The following COA1 variants were observed in gnomAD, a reference collection of about 807,000 sequenced individuals.
The protein encoded by COA1 is cytochrome c oxidase assembly factor 1 homolog.
In COA1, 13 loss-of-function variants were observed where a neutral mutation model predicts 16.0. That is an observed-to-expected ratio of 0.81 (90% CI 0.53 to 1.29). The LOEUF (loss-of-function observed/expected upper bound fraction) is 1.29, where lower values mean the gene tolerates loss of function less well. Among genes scored for constraint, COA1 ranks in the 50% most tolerant of loss-of-function variants. The pLI is 0.00. For missense variants in COA1, 179 were observed against 177.0 expected (o/e 1.01, Z -0.06); for synonymous variants, 65 against 65.7 (o/e 0.99, Z 0.05).
At chr7:43,630,723 C>T (rs867742843) in intron 6 of COA1, among the ~76,000 whole-genome samples, 9 of 152,168 alleles carry the variant, frequency 5.9e-5, no homozygotes, top group East Asian at 1.9e-4. Context: ...TACATCTTTA[C>T]GTAACTACAG....
chr7:43,723,624 A>G (rs1238858406), intron 1 of COA1, among the ~76,000 whole-genome samples: 2 of 151,998 alleles, frequency 1.3e-5, no homozygotes, highest in African/African-American at 4.8e-5. Flanking sequence ...AAAAACACAG[A>G]AAGCATTAAG....
intron 1 of COA1, chr7:43,649,873 C>T (rs971961762): frequency 5.8e-5 from 7 of 121,528 alleles, no homozygotes; most frequent in Non-Finnish European, 1.0e-4. Flanking sequence ...TGCAACCAGA[C>T]ATATGCACCA....
intron 3 of COA1, 61 bp from the exon 4 acceptor site, chr7:43,645,460 C>A: frequency 6.8e-7 from 1 of 1,475,016 alleles, no homozygotes; most frequent in Non-Finnish European, 9.5e-7. Flanking sequence ...ATCTACTACA[C>A]AGAAAATTAA....
intron 6 of COA1, among the ~76,000 whole-genome samples, chr7:43,629,698 A>C (rs1004665178): frequency 1.3e-5 from 2 of 152,216 alleles, no homozygotes; most frequent in East Asian, 1.9e-4. Context: ...TTATAGTAAC[A>C]AAATTGGATG....
chr7:43,661,538 G>A (rs1563293083), intron 1 of COA1, among the ~76,000 whole-genome samples: 1 of 152,136 alleles, frequency 6.6e-6, no homozygotes, highest in Non-Finnish European at 1.5e-5. Context: ...GGGAGGCTGA[G>A]GCAGGAGAAT....
At chr7:43,625,763 GA>G (rs2084452467) in intron 6 of COA1, 3 of 151,924 alleles carry the variant, frequency 2.0e-5, no homozygotes, top group African/African-American at 7.3e-5. Flanking sequence ...CAGAGAGAGA[GA>G]GAGAGAGAGA....
chr7:43,708,182 C>T (rs1165465373), intron 1 of COA1, among the ~76,000 whole-genome samples: 1 of 152,128 alleles, frequency 6.6e-6, no homozygotes, highest in Non-Finnish European at 1.5e-5. Context: ...TCAGCCTGGG[C>T]AACAGAGCAA....
At chr7:43,676,200 A>T (rs2093510059) in intron 1 of COA1, among the ~76,000 whole-genome samples, 1 of 152,162 alleles carries the variant, frequency 6.6e-6, no homozygotes, top group South Asian at 2.1e-4. Flanking sequence ...CCCTCCATCA[A>T]CCTAATTAAA....
chr7:43,635,597 C>T (rs1312892911), downstream of COA1, among the ~76,000 whole-genome samples: 1 of 152,194 alleles, frequency 6.6e-6, no homozygotes, highest in Non-Finnish European at 1.5e-5. Flanking sequence ...CACAGTCACA[C>T]CTAAGTTCAA....
intron 6 of COA1, among the ~76,000 whole-genome samples, chr7:43,621,963 GA>G (rs1463075293): frequency 6.6e-6 from 1 of 152,102 alleles, no homozygotes; most frequent in African/African-American, 2.4e-5. Flanking sequence ...CCATCTATGT[GA>G]CCTTGGCCCT....
Position 43,619,551 on chromosome 7 carries a change from T to G in COA1, c.*134-10056A>C, listed in dbSNP as rs1563162860. ...TTTATGGGCTGCATGTTTTGTGTAC[T>G]TAATCATAGTTATATTGATTTTTGC... is the stretch of plus-strand genomic sequence containing the variant. On this transcript the variant is annotated intron_variant and NMD_transcript_variant, in intron 6 of 6. Transcript: ENST00000415076. The G allele has an allele frequency of 1.9e-6, 3 of 1,595,224 alleles. No individual in the cohort carries two copies. The South Asian group carries it at 3.4e-5, about 18-fold the overall frequency.
intron 1 of COA1, among the ~76,000 whole-genome samples, chr7:43,660,190 A>G (rs1353210179): frequency 6.6e-6 from 1 of 152,148 alleles, no homozygotes; most frequent in Non-Finnish European, 1.5e-5. Flanking sequence ...CCCGACCCCA[A>G]GAACATCTCA....
chr7:43,692,336 T>C (rs775038383), intron 1 of COA1, among the ~76,000 whole-genome samples: 69 of 152,104 alleles, frequency 4.5e-4, no homozygotes, highest in Non-Finnish European at 9.1e-4. Context: ...CTACGCAACA[T>C]GGTGAAGCCA....
rs1266704152 is a variant in COA1, at chr7:43,644,748, A to G, written c.264+503T>C. On this transcript the variant is annotated intron_variant, in intron 4 of 5. Coordinates refer to ENST00000223336, the MANE Select transcript of COA1 (RefSeq NM_018224.4). ...TAGATAGATAGATAGATAGATAGAT[A>G]GATAGATAGATAGGCAGGCAGGCAG... Among the ~76,000 whole-genome samples the G allele has an allele frequency of 5.9e-4, 53 of 90,282 alleles. 1 individual carries two copies. The highest frequency in any genetic ancestry group is 8.0e-4 in the Admixed American group (7 of 8,714). 59.2% of individuals were successfully genotyped at this position (90,282 alleles called of 152,430 possible). A position where few individuals can be genotyped will look rare whatever the true frequency, so the allele number is the denominator to read the frequency against.
At chr7:43,638,565 CCTTTTTTTTTT>C (rs958192421), downstream of COA1, among the ~76,000 whole-genome samples, 7 of 125,248 alleles carry the variant, frequency 5.6e-5, no homozygotes, top group African/African-American at 1.4e-4. Flanking sequence ...CTTTTTCTTT[CCTTTTTTTTTT>C]TTTTTTTTTT....
At chr7:43,618,756 T>C (rs2083576945) in intron 6 of COA1, among the ~76,000 whole-genome samples, 1 of 152,208 alleles carries the variant, frequency 6.6e-6, no homozygotes, top group African/African-American at 2.4e-5. Context: ...ACCTCACTGA[T>C]TCTGTGGCTC....
chr7:43,720,391 A>G (rs115953737), intron 1 of COA1, among the ~76,000 whole-genome samples: 135 of 152,260 alleles, frequency 8.9e-4, no homozygotes, highest in African/African-American at 3.0e-3. Context: ...TTATCTAAGT[A>G]TGATGGACTA....
chr7:43,695,915 G>A (rs2094512201), intron 1 of COA1, among the ~76,000 whole-genome samples: 1 of 152,206 alleles, frequency 6.6e-6, no homozygotes, highest in African/African-American at 2.4e-5. Context: ...GGAAACTTGT[G>A]CAAGAATATT....
rs1215623178 is a variant in COA1 at position 43,623,296 on chromosome 7, T to C, written c.*134-13801A>G. ...GAGACAATGCTTAATAACACAGAGA[T>C]TGTCAGTTTATGTTTGGTGTTTTTA... On this transcript the variant is annotated intron_variant and NMD_transcript_variant, in intron 6 of 6. Transcript: ENST00000415076. The C allele has an allele frequency of 1.1e-5, 4 of 349,172 alleles. No individual in the cohort carries two copies. In the Admixed American group the frequency reaches 2.0e-4, roughly 17 times the overall value. The allele number at this position is 349,172 out of a possible 1,614,324, so 21.6% of individuals were successfully genotyped here. A position where few individuals can be genotyped will look rare whatever the true frequency, so the allele number is the denominator to read the frequency against.
Sources: allele counts gnomAD v4.1 joint callset (sites outside exome capture counted in the v4.1 genomes callset), GRCh38; gene constraint gnomAD v4.1.1; transcripts MANE v1.5; gene names NCBI Gene and HGNC (gene_info 2026-07-23, HGNC 2026-07-21).